Variants in ITGB5 observed in about 807,000 individuals in gnomAD.
ITGB5 encodes integrin subunit beta 5, also known as integrin beta-5.
Under a neutral mutation model 84.8 loss-of-function variants are expected in ITGB5, and 38 were observed. That is an observed-to-expected ratio of 0.45 (90% confidence interval 0.35 to 0.59). The LOEUF (loss-of-function observed/expected upper bound fraction) is 0.59. Ranked by LOEUF, ITGB5 falls within the 20% of genes least tolerant of loss-of-function variation. ITGB5 has a pLI of 0.01. For missense variants in ITGB5, 905 were observed against 1,034.5 expected (o/e 0.87, Z 1.72); for synonymous variants, 393 against 414.4 (o/e 0.95, Z 0.63).
intron 11 of ITGB5, among the ~76,000 whole-genome samples, chr3:124,771,095 A>AC (rs2063836311): frequency 6.6e-6 from 1 of 152,164 alleles, no homozygotes; most frequent in Non-Finnish European, 1.5e-5. Context: ...ACTGGTTGAA[A>AC]CTTGTAATAT....
intron 2 of ITGB5, chr3:124,862,971 C>T (rs2065326398): frequency 6.6e-6 from 1 of 152,200 alleles, no homozygotes; most frequent in Non-Finnish European, 1.5e-5. Flanking sequence ...CATGATGGTA[C>T]AAAGGGAGTC....
At chr3:124,837,769 G>T (rs1350599753) in intron 5 of ITGB5, among the ~76,000 whole-genome samples, 1 of 152,244 alleles carries the variant, frequency 6.6e-6, no homozygotes, top group East Asian at 1.9e-4. Flanking sequence ...AATAAAACCA[G>T]AGTGAGAATA....
intron 3 of ITGB5, among the ~76,000 whole-genome samples, chr3:124,856,719 T>C (rs929094717): frequency 6.6e-6 from 1 of 152,242 alleles, no homozygotes; most frequent in South Asian, 2.1e-4. Context: ...AAATACACTA[T>C]TCTTATACAA....
Position 124,773,814 on chromosome 3 carries a change from C to T in ITGB5, c.1792G>A (p.Asp598Asn), listed in dbSNP as rs1276714975. 38 of 1,613,986 alleles carry T rather than the reference C, an allele frequency of 2.4e-5. No individual in the cohort carries two copies. The highest frequency in any genetic ancestry group is 3.1e-5 in the Non-Finnish European group (36 of 1,180,054). The change falls in exon 11 of 15, where the codon GAT becomes AAT. Residue 598 changes from aspartate (D) to asparagine (N), a missense_variant. Physicochemically the swap from Asp to Asn is conservative, Grantham distance 23. Coordinates refer to ENST00000296181, the MANE Select transcript of ITGB5 (RefSeq NM_002213.5). ...STDISTCRGR[D>N]GQICSERGHC... The stretch of plus-strand genomic sequence containing the variant: ...CCACGCTCGCTGCAGATCTGGCCAT[C>T]TCTGCCCCGGCATGTGCTGATGTCT...
At chr3:124,884,280 G>C (rs2047573) in intron 1 of ITGB5, among the ~76,000 whole-genome samples, 66,042 of 151,536 alleles carry the variant, frequency 0.44, 14,652 homozygotes, top group East Asian at 0.66. Context: ...TAGGAGAAAT[G>C]ACACAGATGT....
chr3:124,797,505 T>C (rs115952757), intron 9 of ITGB5, among the ~76,000 whole-genome samples: 1 of 152,364 alleles, frequency 6.6e-6, no homozygotes, highest in African/African-American at 2.4e-5. Context: ...ACCATGCACA[T>C]GGACAGACCT....
intron 10 of ITGB5, among the ~76,000 whole-genome samples, chr3:124,785,978 A>G (rs1239019314): frequency 6.6e-6 from 1 of 152,252 alleles, no homozygotes; most frequent in African/African-American, 2.4e-5. Context: ...TGCAAAAGGC[A>G]GTGCAAGGTT....
intron 2 of ITGB5, among the ~76,000 whole-genome samples, chr3:124,863,653 G>A (rs565221079): frequency 6.6e-6 from 1 of 152,260 alleles, no homozygotes; most frequent in African/African-American, 2.4e-5. Flanking sequence ...GGAGTAGCTG[G>A]GATTACAAGC....
chr3:124,763,536 G>T lies in ITGB5; in HGVS notation c.*87C>A. ...CTTCTCTGTGGTGCCTACCTAGGGA[G>T]CTGTGATCAAGCCGAGCAGCCGTGC... is the stretch of plus-strand genomic sequence containing the variant. On this transcript the variant is annotated 3_prime_UTR_variant, in exon 15 of 15. Transcript: ENST00000296181. 1.3e-6 allele frequency: 1 copy of T among 766,198 alleles called. No individual in the cohort carries two copies. The highest frequency in any genetic ancestry group is 2.3e-6 in the Non-Finnish European group (1 of 437,596). 47.5% of individuals were successfully genotyped at this position (766,198 alleles called of 1,614,324 possible). A position where few individuals can be genotyped will look rare whatever the true frequency, so the allele number is the denominator to read the frequency against.
At chr3:124,839,492 A>T (rs190994474) in intron 5 of ITGB5, among the ~76,000 whole-genome samples, 2 of 152,308 alleles carry the variant, frequency 1.3e-5, no homozygotes, top group Admixed American at 1.3e-4. Flanking sequence ...AAATATACTC[A>T]GACACTGCTT....
chr3:124,768,611 T>G (rs1014676740), intron 12 of ITGB5, among the ~76,000 whole-genome samples: 1 of 152,222 alleles, frequency 6.6e-6, no homozygotes, highest in Non-Finnish European at 1.5e-5. Flanking sequence ...ACTGTATAGA[T>G]GGACCACACT....
At chr3:124,791,749 C>T (rs2064152940) in intron 10 of ITGB5, 2 of 152,204 alleles carry the variant, frequency 1.3e-5, no homozygotes, top group South Asian at 4.1e-4. Context: ...CCTTCAAGAG[C>T]AGAGTGGTGG....
chr3:124,763,752 CAT>C (rs767519489), intron 14 of ITGB5, 34 bp from the exon 15 acceptor site: 34 of 1,262,270 alleles, frequency 2.7e-5, no homozygotes, highest in Non-Finnish European at 3.4e-5. Flanking sequence ...GATGAGGACA[CAT>C]GTTAGCTCAC....
chr3:124,861,481 C>CATATATAT (rs771303161), intron 2 of ITGB5, among the ~76,000 whole-genome samples: 1,845 of 117,662 alleles, frequency 0.016, 50 homozygotes, highest in African/African-American at 0.057. Context: ...CAAAACAAAA[C>CATATATAT]ATATATATAT....
Position 124,858,869 on chromosome 3 carries a change from T to C in ITGB5, c.361+373A>G, listed in dbSNP as rs1464774578. ...AAAGAGAGAATGAGGAGTTAATGTTTAATGGGTATAGATTTTCTGTTTAGG... is the reference window on the plus strand; with the variant it reads ...AAAGAGAGAATGAGGAGTTAATGTTCAATGGGTATAGATTTTCTGTTTAGG... On this transcript the variant is annotated intron_variant, in intron 3 of 14. Coordinates refer to ENST00000296181, the MANE Select transcript of ITGB5 (RefSeq NM_002213.5). Among the ~76,000 whole-genome samples the C allele has an allele frequency of 2.6e-5, 4 of 152,152 alleles. 1 individual carries two copies. In the East Asian group the frequency reaches 7.7e-4, roughly 29 times the overall value.
intron 3 of ITGB5, among the ~76,000 whole-genome samples, chr3:124,851,911 A>G (rs2065161762): frequency 6.6e-6 from 1 of 151,738 alleles, no homozygotes; most frequent in Non-Finnish European, 1.5e-5. Flanking sequence ...TGTACCAACA[A>G]CTCCCCAAAA....
rs75117347 is a variant in ITGB5 at position 124,764,650 on chromosome 3, C to T, written c.2138-93G>A. On this transcript the variant is annotated intron_variant, in intron 13 of 14. Coordinates refer to ENST00000296181, the MANE Select transcript of ITGB5 (RefSeq NM_002213.5). ...GCATTTCTGAGATGAAAGTTGCACC[C>T]CTTCCAAAGGCCTTCTCCTCGGCTC... The T allele has an allele frequency of 6.4e-3, 8,263 of 1,291,442 alleles. 414 individuals carry two copies. In the African/African-American group the frequency reaches 0.11, roughly 17 times the overall value. The allele number at this position is 1,291,442 out of a possible 1,614,324, so 80.0% of individuals were successfully genotyped here. A position where few individuals can be genotyped will look rare whatever the true frequency, so the allele number is the denominator to read the frequency against.
chr3:124,840,789 G>A (rs1011009081), intron 5 of ITGB5, among the ~76,000 whole-genome samples: 6 of 151,770 alleles, frequency 4.0e-5, no homozygotes, highest in Admixed American at 1.3e-4. Context: ...TCAGCCTCCC[G>A]AGTAGCTGGG....
chr3:124,870,201 T>C (rs1395082274), intron 2 of ITGB5, among the ~76,000 whole-genome samples: 1 of 152,218 alleles, frequency 6.6e-6, no homozygotes, highest in African/African-American at 2.4e-5. Flanking sequence ...GTATCCAAGA[T>C]AAGACAGTTT....
Sources: allele counts gnomAD v4.1 joint callset (sites outside exome capture counted in the v4.1 genomes callset), GRCh38; gene constraint gnomAD v4.1.1; transcripts MANE v1.5; gene names NCBI Gene and HGNC (gene_info 2026-07-23, HGNC 2026-07-21).